The following SLC22A3 variants were observed in gnomAD, a reference collection of about 807,000 sequenced individuals.
SLC22A3 encodes solute carrier family 22 member 3, also known as EMT organic cation transporter 3.
In SLC22A3, 51 loss-of-function variants were observed where a neutral mutation model predicts 59.1. That is an observed-to-expected ratio of 0.86 (90% CI 0.69 to 1.09). The LOEUF is 1.09. Ranked by LOEUF, SLC22A3 falls within the 50% of genes least tolerant of loss-of-function variation. The pLI, the probability that SLC22A3 is intolerant of heterozygous loss-of-function variation, is 0.00. For missense variants in SLC22A3, 711 were observed against 726.3 expected (o/e 0.98, Z 0.24); for synonymous variants, 325 against 292.0 (o/e 1.11, Z -1.15).
chr6:160,364,462 T>C (rs1182117255), intron 1 of SLC22A3, among the ~76,000 whole-genome samples: 3 of 152,242 alleles, frequency 2.0e-5, no homozygotes, highest in East Asian at 3.8e-4. Context: ...TGCAGTCATA[T>C]TGTTCATCTT....
At chr6:160,403,676 TA>T (rs36157729) in intron 2 of SLC22A3, among the ~76,000 whole-genome samples, 38,646 of 151,450 alleles carry the variant, frequency 0.26, 5,126 homozygotes, top group Admixed American at 0.33. Flanking sequence ...CAATAGTGTA[TA>T]AAAAAAATTA....
Position 160,401,716 on chromosome 6 carries a change from A to G in SLC22A3, c.533+3634A>G, listed in dbSNP as rs568232120. Among the ~76,000 whole-genome samples the G allele has an allele frequency of 2.6e-5, 4 of 152,102 alleles. 1 individual carries two copies. In the South Asian group the frequency reaches 8.3e-4, roughly 32 times the overall value. On this transcript the variant is annotated intron_variant, in intron 2 of 10. Coordinates refer to ENST00000275300, the MANE Select transcript of SLC22A3 (RefSeq NM_021977.4). ...TTGGTTGTGTATGTTTATATATATA[A>G]GCATACATAAGCATATATAGAGTAT...
chr6:160,371,415 G>A (rs1381705730), intron 1 of SLC22A3, among the ~76,000 whole-genome samples: 3 of 152,134 alleles, frequency 2.0e-5, no homozygotes, highest in Non-Finnish European at 2.9e-5. Flanking sequence ...TCCCACTTAT[G>A]AGTGAGAACA....
At position 160,436,926 on chromosome 6, in the gene SLC22A3, A is replaced by G. The variant is rs752005867; in HGVS notation, c.1073+49A>G. 3 of 1,609,214 alleles carry G rather than the reference A, an allele frequency of 1.9e-6. No homozygotes were observed. In the East Asian group the frequency reaches 6.7e-5, roughly 36 times the overall value. ...TAAAAGCTTGCGTTAAATTTACAAT[A>G]CATCCCTTCCTTCAAATCAGCTTGA... On this transcript the variant is annotated intron_variant, in intron 6 of 10. Transcript: ENST00000275300.
At chr6:160,404,683 C>T (rs532239222) in intron 2 of SLC22A3, among the ~76,000 whole-genome samples, 10 of 152,166 alleles carry the variant, frequency 6.6e-5, no homozygotes, top group South Asian at 2.1e-4. Flanking sequence ...CACTACTTAA[C>T]GTCAAGACTT....
At chr6:160,424,688 A>T (rs1787883425) in intron 5 of SLC22A3, among the ~76,000 whole-genome samples, 1 of 152,184 alleles carries the variant, frequency 6.6e-6, no homozygotes, top group African/African-American at 2.4e-5. Flanking sequence ...ACTGTCTCTC[A>T]AAGGTGAATA....
intron 1 of SLC22A3, among the ~76,000 whole-genome samples, chr6:160,370,033 C>T (rs2114771408): frequency 6.6e-6 from 1 of 152,312 alleles, no homozygotes; most frequent in East Asian, 1.9e-4. Context: ...CACATGATAC[C>T]TCTGTGTAGC....
chr6:160,404,347 C>G (rs1048767770), intron 2 of SLC22A3, among the ~76,000 whole-genome samples: 1 of 151,980 alleles, frequency 6.6e-6, no homozygotes, highest in African/African-American at 2.4e-5. Context: ...TACATTAGCA[C>G]CACAAGAATA....
chr6:160,425,728 A>G, intron 5 of SLC22A3: 1 of 746,022 alleles, frequency 1.3e-6, no homozygotes, highest in Non-Finnish European at 1.6e-6. Flanking sequence ...TCACATTGAA[A>G]TCTAGGTAAG....
intron 1 of SLC22A3, among the ~76,000 whole-genome samples, chr6:160,373,949 A>C (rs1199413592): frequency 6.6e-6 from 1 of 152,108 alleles, no homozygotes; most frequent in Non-Finnish European, 1.5e-5. Flanking sequence ...TGGGCTCCAT[A>C]GGGGTGGGAT....
chr6:160,368,921 A>T (rs1785300624), intron 1 of SLC22A3, among the ~76,000 whole-genome samples: 1 of 152,140 alleles, frequency 6.6e-6, no homozygotes, highest in Admixed American at 6.5e-5. Flanking sequence ...AAAGCCAAAC[A>T]CATTTAACAG....
intron 9 of SLC22A3, among the ~76,000 whole-genome samples, chr6:160,447,374 G>A (rs1273922454): frequency 3.9e-5 from 6 of 152,216 alleles, no homozygotes; most frequent in South Asian, 2.1e-4. Flanking sequence ...GTGAGCGGGC[G>A]CAGAGGGGAC....
intron 1 of SLC22A3, among the ~76,000 whole-genome samples, chr6:160,355,611 A>T (rs1432352003): frequency 2.0e-5 from 3 of 151,172 alleles, no homozygotes; most frequent in African/African-American, 7.3e-5. Flanking sequence ...AAAAAAAAAA[A>T]TACAAAAACG....
chr6:160,425,114 T>G (rs1787899145), intron 5 of SLC22A3, among the ~76,000 whole-genome samples: 1 of 152,222 alleles, frequency 6.6e-6, no homozygotes, highest in Admixed American at 6.5e-5. Context: ...TGCCATCCCC[T>G]TTCTTTCCAC....
intron 1 of SLC22A3, among the ~76,000 whole-genome samples, chr6:160,349,915 T>C (rs1784604095): frequency 1.3e-5 from 2 of 152,202 alleles, no homozygotes; most frequent in Admixed American, 6.5e-5. Flanking sequence ...AATCACCTAC[T>C]TGAAGAGTGG....
At chr6:160,389,295 A>G (rs867396752) in intron 1 of SLC22A3, among the ~76,000 whole-genome samples, 2 of 152,100 alleles carry the variant, frequency 1.3e-5, no homozygotes, top group African/African-American at 4.8e-5. Flanking sequence ...GGAATATCCA[A>G]CTGACTGATC....
rs1583488729 is a variant in SLC22A3 at position 160,410,854 on chromosome 6, C to A, written c.975+8C>A. 4 of 1,513,986 alleles carry A rather than the reference C, an allele frequency of 2.6e-6. No homozygotes were observed. Among genetic ancestry groups the A allele is most frequent in the Non-Finnish European group, 3.7e-6 (4 of 1,089,942 alleles). The allele number at this position is 1,513,986 out of a possible 1,614,324, so 93.8% of individuals were successfully genotyped here. ...TCATCAAATTACTCAGAGGTAATTTCTTTCAGTATGAGTAACAAATATTGC... is the reference window on the plus strand; with the variant it reads ...TCATCAAATTACTCAGAGGTAATTTATTTCAGTATGAGTAACAAATATTGC... On this transcript the variant is annotated splice_region_variant and intron_variant, in intron 5 of 10. Transcript: ENST00000275300.
intron 1 of SLC22A3, among the ~76,000 whole-genome samples, chr6:160,394,402 C>CAG (rs1786388132): frequency 6.6e-6 from 1 of 152,100 alleles, no homozygotes. Context: ...ATCGCAGGCC[C>CAG]AGAGCTGTTG....
At chr6:160,427,179 T>C (rs1186359903) in intron 5 of SLC22A3, among the ~76,000 whole-genome samples, 2 of 152,040 alleles carry the variant, frequency 1.3e-5, no homozygotes, top group Non-Finnish European at 2.9e-5. Context: ...TGGGGAAGGT[T>C]GAGGGCAACG....
Sources: gnomAD v4.1 joint callset for allele counts (sites outside exome capture counted in the v4.1 genomes callset) on GRCh38, gnomAD v4.1.1 for gene constraint, MANE v1.5 for transcripts, NCBI Gene and HGNC (gene_info 2026-07-23, HGNC 2026-07-21) for gene names.